The following INPP4B variants were observed in gnomAD, a reference collection of about 807,000 sequenced individuals.
INPP4B encodes the protein inositol polyphosphate 4-phosphatase type II.
Under a neutral mutation model 122.5 loss-of-function variants are expected in INPP4B, and 55 were observed. The ratio of observed to expected loss-of-function variants is 0.45; its 90% confidence interval spans 0.36 to 0.56. INPP4B has a LOEUF of 0.56. Ranked by LOEUF, INPP4B falls within the 20% of genes least tolerant of loss-of-function variation. The pLI is 0.00. For synonymous variants in INPP4B, 403 were observed against 388.7 expected (o/e 1.04, Z -0.43); for missense variants, 1,000 against 1,097.7 (o/e 0.91, Z 1.26).
chr4:142,241,751 G>T lies in INPP4B; in HGVS notation c.689-3740C>A, dbSNP rs74911171. Reference sequence around the variant, plus strand: ...TTGCTGTTTCTGTAAACAAAGGTATGCTAGGAATATCAGTGGGTTGACTGG... The same window carrying T: ...TTGCTGTTTCTGTAAACAAAGGTATTCTAGGAATATCAGTGGGTTGACTGG... On this transcript the variant is annotated intron_variant, in intron 11 of 25. Coordinates refer to ENST00000262992, the MANE Select transcript of INPP4B (RefSeq NM_001101669.3). 6.6e-5 allele frequency among the ~76,000 whole-genome samples: 10 copies of T among 152,302 alleles called. No individual in the cohort carries two copies. The East Asian group carries it at 1.7e-3, about 26-fold the overall frequency.
rs545352889 is a variant in INPP4B, at chr4:142,328,203, G to A, written c.373-13441C>T. Among the ~76,000 whole-genome samples the A allele has an allele frequency of 1.8e-4, 28 of 152,212 alleles. No homozygotes were observed. In the South Asian group the frequency reaches 5.4e-3, roughly 29 times the overall value. ...CTTCTGACGAAGAAAATAAGGAAAT[G>A]TACAGCGTTTCAACAGAAAAAAAAG... On this transcript the variant is annotated intron_variant, in intron 7 of 25. Coordinates refer to ENST00000262992, the MANE Select transcript of INPP4B (RefSeq NM_001101669.3).
chr4:142,208,529 C>T lies in INPP4B; in HGVS notation c.968G>A (p.Gly323Glu). The part of the protein sequence containing the change: ...DILTELSKET[G>E]SSFKSSSSKG... ...GCTGCTGCTTGATTTGAAAGAGGACCCTGATGGAAACCAGAAATTAAACAT... is the reference window on the plus strand; with the variant it reads ...GCTGCTGCTTGATTTGAAAGAGGACTCTGATGGAAACCAGAAATTAAACAT... The change falls in exon 14 of 26, where the codon GGG (glycine) becomes GAG (glutamate). Residue 323 changes from glycine (G) to glutamate (E), a missense_variant and splice_region_variant. Transcript: ENST00000262992. 6.5e-7 allele frequency: 1 copy of T among 1,534,900 alleles called. No individual in the cohort carries two copies. Among genetic ancestry groups the T allele is most frequent in the Non-Finnish European group, 8.9e-7 (1 of 1,125,446 alleles).
intron 2 of INPP4B, among the ~76,000 whole-genome samples, chr4:142,704,629 CT>C (rs1762239554): frequency 6.6e-6 from 1 of 152,182 alleles, no homozygotes; most frequent in African/African-American, 2.4e-5. Context: ...GTACGATATC[CT>C]TCCCAATTGC....
At chr4:142,068,420 C>T (rs1764915419) in intron 25 of INPP4B, among the ~76,000 whole-genome samples, 1 of 152,144 alleles carries the variant, frequency 6.6e-6, no homozygotes, top group Non-Finnish European at 1.5e-5. Context: ...GAAACTGCAT[C>T]AACTAACGAG....
intron 3 of INPP4B, among the ~76,000 whole-genome samples, chr4:142,451,509 C>T (rs1162206296): frequency 6.6e-6 from 1 of 152,068 alleles, no homozygotes; most frequent in East Asian, 1.9e-4. Flanking sequence ...CCTCAGCCTC[C>T]CAAAATGCTA....
intron 2 of INPP4B, among the ~76,000 whole-genome samples, chr4:142,484,970 T>C (rs529737714): frequency 6.6e-6 from 1 of 152,198 alleles, no homozygotes; most frequent in South Asian, 2.1e-4. Context: ...GAAACTGAAG[T>C]TTTCAGAATT....
intron 2 of INPP4B, among the ~76,000 whole-genome samples, chr4:142,521,214 C>T (rs965474529): frequency 2.6e-5 from 4 of 151,786 alleles, no homozygotes; most frequent in African/African-American, 9.7e-5. Context: ...TGTATAACAG[C>T]ATTTCCCAAA....
intron 19 of INPP4B, among the ~76,000 whole-genome samples, chr4:142,123,788 A>G (rs182945485): frequency 8.5e-5 from 13 of 152,302 alleles, no homozygotes; most frequent in Admixed American, 8.5e-4. Flanking sequence ...TCATTAAAAG[A>G]ACACAATGAC....
intron 1 of INPP4B, among the ~76,000 whole-genome samples, chr4:142,728,916 C>T (rs1188224076): frequency 6.6e-6 from 1 of 151,734 alleles, no homozygotes; most frequent in East Asian, 1.9e-4. Flanking sequence ...AAGAATCAGG[C>T]TTCTATCTAG....
chr4:142,212,139 C>T (rs567003389), intron 12 of INPP4B, among the ~76,000 whole-genome samples: 1 of 152,186 alleles, frequency 6.6e-6, no homozygotes, highest in Non-Finnish European at 1.5e-5. Context: ...TGTACTTGTA[C>T]CATCTGAGTT....
At chr4:142,243,556 GACTT>G (rs1370735470) in intron 11 of INPP4B, among the ~76,000 whole-genome samples, 1 of 152,130 alleles carries the variant, frequency 6.6e-6, no homozygotes, top group Non-Finnish European at 1.5e-5. Flanking sequence ...ACATACCAGA[GACTT>G]ACAAACACTG....
intron 17 of INPP4B, among the ~76,000 whole-genome samples, chr4:142,152,302 C>T (rs1425157574): frequency 6.6e-6 from 1 of 151,798 alleles, no homozygotes; most frequent in African/African-American, 2.4e-5. Flanking sequence ...GTCTCGATCT[C>T]CTGAGCTCAT....
At chr4:142,271,678 A>G (rs1208581620) in intron 9 of INPP4B, among the ~76,000 whole-genome samples, 1 of 152,186 alleles carries the variant, frequency 6.6e-6, no homozygotes, top group African/African-American at 2.4e-5. Flanking sequence ...ACTTTTTCAG[A>G]TAAAGAAACT....
chr4:142,052,998 AC>A (rs1755502761), intron 25 of INPP4B, among the ~76,000 whole-genome samples: 1 of 152,066 alleles, frequency 6.6e-6, no homozygotes, highest in African/African-American at 2.4e-5. Flanking sequence ...CAATATTAAA[AC>A]ATCAATCTCA....
At chr4:142,258,001 A>G (rs1212459629) in intron 11 of INPP4B, among the ~76,000 whole-genome samples, 2 of 152,160 alleles carry the variant, frequency 1.3e-5, no homozygotes, top group South Asian at 2.1e-4. Flanking sequence ...GTACCAAAAC[A>G]GAGATATAGA....
At chr4:142,431,676 C>G (rs779960526) in intron 3 of INPP4B, among the ~76,000 whole-genome samples, 2 of 152,122 alleles carry the variant, frequency 1.3e-5, no homozygotes, top group Non-Finnish European at 2.9e-5. Context: ...GGGCTGCTAA[C>G]TTAGTATAAA....
intron 5 of INPP4B, among the ~76,000 whole-genome samples, chr4:142,406,026 A>G (rs979628814): frequency 1.7e-4 from 26 of 152,154 alleles, no homozygotes; most frequent in African/African-American, 6.0e-4. Flanking sequence ...ATTTACTTGA[A>G]TATTTTCTCC....
At chr4:142,111,916 G>A (rs897554663) in intron 22 of INPP4B, among the ~76,000 whole-genome samples, 2 of 151,168 alleles carry the variant, frequency 1.3e-5, no homozygotes, top group Non-Finnish European at 2.9e-5. Context: ...GCTAATTTTT[G>A]TATTTTTAGT....
intron 2 of INPP4B, among the ~76,000 whole-genome samples, chr4:142,561,334 C>T (rs1730424371): frequency 6.6e-6 from 1 of 152,148 alleles, no homozygotes; most frequent in South Asian, 2.1e-4. Flanking sequence ...AATTATTTCA[C>T]TTGTCTAGAT....
Sources: gnomAD v4.1 joint callset for allele counts (sites outside exome capture counted in the v4.1 genomes callset) on GRCh38, gnomAD v4.1.1 for gene constraint, MANE v1.5 for transcripts, NCBI Gene and HGNC (gene_info 2026-07-23, HGNC 2026-07-21) for gene names.